Variants in ST3GAL2 observed in about 807,000 individuals in gnomAD.
The protein encoded by ST3GAL2 is ST3 beta-galactoside alpha-2,3-sialyltransferase 2.
A neutral mutation model predicts 37.5 loss-of-function variants in ST3GAL2; 16 were observed. The observed-to-expected ratio is 0.43, with a 90% CI of 0.29 to 0.65. The LOEUF (loss-of-function observed/expected upper bound fraction) is 0.65, where lower values mean the gene tolerates loss of function less well. ST3GAL2 is among the 30% of genes least tolerant of loss of function. The probability of loss-of-function intolerance (pLI) is 0.17; values close to 1 mark genes in which losing one functional copy is unlikely to be tolerated. For synonymous variants in ST3GAL2, 238 were observed against 202.9 expected, an observed-to-expected ratio of 1.17 and a Z score of -1.47; for missense variants, 383 against 487.8, an observed-to-expected ratio of 0.79 and a Z score of 2.02.
chr16:70,398,507 C>A lies in ST3GAL2; in HGVS notation c.24G>T (p.Trp8Cys). MKCSLRV[W>C]FLSVAFLLVF... is the part of the protein sequence containing the mutation. ...CCAGCAGGAAGGCCACGGAGAGGAACCACACCCGCAGGGAGCACTTCATGG... is the reference window on the plus strand; with the variant it reads ...CCAGCAGGAAGGCCACGGAGAGGAAACACACCCGCAGGGAGCACTTCATGG... Residue 8 changes from tryptophan (W) to cysteine (C), a missense_variant, in exon 2 of 7, where the codon TGG (tryptophan) becomes TGT (cysteine). Physicochemically the swap from Trp to Cys is radical, Grantham distance 215. Coordinates refer to ENST00000342907, the MANE Select transcript of ST3GAL2 (RefSeq NM_006927.4). 2 of 1,610,716 alleles carry A rather than the reference C, an allele frequency of 1.2e-6. No individual in the cohort carries two copies. Among genetic ancestry groups the A allele is most frequent in the Non-Finnish European group, 8.5e-7 (1 of 1,179,068 alleles).
intron 3 of ST3GAL2, among the ~76,000 whole-genome samples, chr16:70,390,321 C>T (rs2047474398): frequency 6.6e-6 from 1 of 152,246 alleles, no homozygotes. Context: ...AACCCTCCTG[C>T]CTCAGCCTCC....
chr16:70,405,825 CCGAGGCAGGTGGATCA>C (rs2047587802), intron 1 of ST3GAL2, among the ~76,000 whole-genome samples: 6 of 151,846 alleles, frequency 4.0e-5, no homozygotes, highest in Admixed American at 3.9e-4. Flanking sequence ...CTTTGGGAGG[CCGAGGCAGGTGGATCA>C]CGAGGTCAGG....
chr16:70,426,031 G>A (rs2047747361), intron 1 of ST3GAL2, among the ~76,000 whole-genome samples: 1 of 152,142 alleles, frequency 6.6e-6, no homozygotes, highest in East Asian at 1.9e-4. Context: ...CTCAGCAGGG[G>A]AGGGTGCCAT....
intron 1 of ST3GAL2, among the ~76,000 whole-genome samples, chr16:70,426,139 C>T (rs1200565362): frequency 6.7e-6 from 1 of 150,074 alleles, no homozygotes; most frequent in Non-Finnish European, 1.5e-5. Flanking sequence ...TAGGATCCTA[C>T]GTTCCATTGC....
intron 4 of ST3GAL2, among the ~76,000 whole-genome samples, chr16:70,387,012 G>A (rs1034576495): frequency 4.6e-5 from 7 of 152,170 alleles, no homozygotes; most frequent in African/African-American, 7.2e-5. Context: ...CCAGCACTTC[G>A]GGAGGCCAAG....
At chr16:70,427,692 T>G (rs2047761267) in intron 1 of ST3GAL2, among the ~76,000 whole-genome samples, 1 of 150,736 alleles carries the variant, frequency 6.6e-6, no homozygotes, top group Non-Finnish European at 1.5e-5. Context: ...CCCATCCATC[T>G]AAGCCTGAAA....
chr16:70,435,782 G>A (rs1263626593), intron 1 of ST3GAL2, among the ~76,000 whole-genome samples: 1 of 144,756 alleles, frequency 6.9e-6, no homozygotes, highest in Non-Finnish European at 1.5e-5. Flanking sequence ...CAACAAGAGG[G>A]AAACCTCGTC....
intron 1 of ST3GAL2, among the ~76,000 whole-genome samples, chr16:70,403,307 TG>T (rs1218340433): frequency 3.9e-5 from 6 of 152,090 alleles, no homozygotes; most frequent in Admixed American, 3.9e-4. Context: ...ACCTTGTGGA[TG>T]GGGCTGTCAT....
intron 1 of ST3GAL2, among the ~76,000 whole-genome samples, chr16:70,415,593 C>T (rs78088489): frequency 7.1e-6 from 1 of 140,212 alleles, no homozygotes; most frequent in African/African-American, 2.6e-5. Context: ...CTGGGACTAC[C>T]GGAGTGTGCC....
At chr16:70,425,610 T>A (rs2047744396) in intron 1 of ST3GAL2, among the ~76,000 whole-genome samples, 1 of 151,964 alleles carries the variant, frequency 6.6e-6, no homozygotes, top group African/African-American at 2.4e-5. Context: ...ATCCAGCTAC[T>A]CGGGAAGCTG....
intron 1 of ST3GAL2, among the ~76,000 whole-genome samples, chr16:70,408,987 A>G (rs572717535): frequency 1.4e-5 from 2 of 138,936 alleles, no homozygotes; most frequent in East Asian, 4.5e-4. Context: ...AGGCACGGGG[A>G]GAGGGTGCGG....
In ST3GAL2 at chr16:70,403,452, C is replaced by A. The variant is rs529700376; in HGVS notation, c.-1003-3919G>T. On this transcript the variant is annotated intron_variant, in intron 1 of 6. Transcript: ENST00000342907. ...ATCCCAACATTTTGGGAGGCCAAGG[C>A]GGGAGGATCACTTGAGGTCAGGAGT... Among the ~76,000 whole-genome samples, 4 of 152,156 alleles carry A rather than the reference C, an allele frequency of 2.6e-5. No homozygotes were observed. The South Asian group carries it at 8.3e-4, about 32-fold the overall frequency.
At chr16:70,406,009 C>A (rs1025691398) in intron 1 of ST3GAL2, among the ~76,000 whole-genome samples, 4 of 150,490 alleles carry the variant, frequency 2.7e-5, no homozygotes, top group African/African-American at 9.8e-5. Context: ...TGCAGTGAGC[C>A]GAGATCATGC....
chr16:70,392,586 C>A (rs2047489087), intron 3 of ST3GAL2, among the ~76,000 whole-genome samples: 4 of 152,274 alleles, frequency 2.6e-5, no homozygotes, highest in Middle Eastern at 3.4e-3. Flanking sequence ...TGAGGCAAGA[C>A]CAGCTCAACT....
intron 3 of ST3GAL2, 101 bp from the exon 4 acceptor site, chr16:70,388,647 T>C (rs1381812455): frequency 6.8e-6 from 9 of 1,320,868 alleles, no homozygotes; most frequent in East Asian, 2.5e-5. Flanking sequence ...TGCAAACGGG[T>C]GTATACTCCA....
chr16:70,409,630 A>ACTC (rs1224334579), intron 1 of ST3GAL2, among the ~76,000 whole-genome samples: 1 of 151,934 alleles, frequency 6.6e-6, no homozygotes, highest in Non-Finnish European at 1.5e-5. Flanking sequence ...GGTGTCAGCC[A>ACTC]CTGCGCCCAG....
chr16:70,421,197 C>T (rs1452396823), intron 1 of ST3GAL2, among the ~76,000 whole-genome samples: 1 of 152,254 alleles, frequency 6.6e-6, no homozygotes, highest in African/African-American at 2.4e-5. Flanking sequence ...CTTCCTCTTT[C>T]CTGAGGAGCC....
At chr16:70,396,442 T>A (rs574906031) in intron 2 of ST3GAL2, among the ~76,000 whole-genome samples, 13 of 152,052 alleles carry the variant, frequency 8.5e-5, no homozygotes, top group Admixed American at 7.2e-4. Context: ...AAGATGAGAA[T>A]TCCTATATAA....
In ST3GAL2 at chr16:70,376,582, C is replaced by T. The variant is rs2047347315; in HGVS notation, c.*5107G>A. On this transcript the variant is annotated 3_prime_UTR_variant, in exon 7 of 7. Coordinates refer to ENST00000342907, the MANE Select transcript of ST3GAL2 (RefSeq NM_006927.4). ...TTGCTGCAGGAGCTGTGATTTTTTTCACAAAAGTAGTGAGAAGGGGCATTG... is the reference window on the plus strand; with the variant it reads ...TTGCTGCAGGAGCTGTGATTTTTTTTACAAAAGTAGTGAGAAGGGGCATTG... 1 of 152,102 alleles carries T rather than the reference C, an allele frequency of 6.6e-6. No homozygotes were observed. The highest frequency in any genetic ancestry group is 1.5e-5 in the Non-Finnish European group (1 of 68,012). The allele number at this position is 152,102 out of a possible 1,614,324, so 9.4% of individuals were successfully genotyped here. A position where few individuals can be genotyped will look rare whatever the true frequency, so the allele number is the denominator to read the frequency against.
Sources: allele counts gnomAD v4.1 joint callset (sites outside exome capture counted in the v4.1 genomes callset), GRCh38; gene constraint gnomAD v4.1.1; transcripts MANE v1.5; gene names NCBI Gene and HGNC (gene_info 2026-07-23, HGNC 2026-07-21).